Variants in FGF13 observed in about 807,000 individuals in gnomAD.
FGF13 encodes the protein fibroblast growth factor 13, also known as fibroblast growth factor homologous factor 2.
Under a neutral mutation model 19.5 loss-of-function variants are expected in FGF13, and 2 were observed. The ratio of observed to expected loss-of-function variants is 0.10; its 90% CI spans 0.04 to 0.32. FGF13 has a LOEUF of 0.32. Among genes scored for constraint, FGF13 ranks in the 10% least tolerant of loss-of-function variants. The pLI is 1.00. For missense variants in FGF13, 113 were observed against 192.7 expected (o/e 0.59, Z 2.45); for synonymous variants, 72 against 76.9 (o/e 0.94, Z 0.33).
At chrX:138,655,653 C>T (rs1166738687) in intron 3 of FGF13, among the ~76,000 whole-genome samples, 1 of 110,607 alleles carries the variant, frequency 9.0e-6, no homozygotes, top group Non-Finnish European at 1.9e-5. Flanking sequence ...AATGCCTTTT[C>T]GAAGCTGCTA....
intron 3 of FGF13, among the ~76,000 whole-genome samples, chrX:138,782,076 G>A (rs1391437809): frequency 8.9e-6 from 1 of 111,835 alleles, no homozygotes; most frequent in Non-Finnish European, 1.9e-5. Context: ...TATCTCAATA[G>A]ATGCAGAAAA....
intron 3 of FGF13, among the ~76,000 whole-genome samples, chrX:138,824,265 C>T (rs2091019407): frequency 8.9e-6 from 1 of 112,174 alleles, no homozygotes; most frequent in African/African-American, 3.2e-5. Context: ...GGACTTTCAT[C>T]TGCAAAGTCA....
Position 138,984,343 on chromosome X carries a change from G to A in FGF13, c.-112-119693C>T, listed in dbSNP as rs993416109. On this transcript the variant is annotated intron_variant, in intron 1 of 2. Coordinates refer to the FGF13 transcript ENST00000421460. ...GAATCGCTTGAACCCGGGAGGCGGAGGTTGTAGTGAACCGAGATTGCACCA... is the reference window on the plus strand; with the variant it reads ...GAATCGCTTGAACCCGGGAGGCGGAAGTTGTAGTGAACCGAGATTGCACCA... Among the ~76,000 whole-genome samples the A allele has an allele frequency of 6.6e-5, 7 of 106,733 alleles. No homozygotes were observed. The Admixed American group carries it at 7.4e-4, about 11-fold the overall frequency. The allele number at this position is 106,733 out of a possible 115,157, so 92.7% of individuals were successfully genotyped here.
intron 1 of FGF13, among the ~76,000 whole-genome samples, chrX:139,103,649 T>A (rs1333676803): frequency 8.9e-6 from 1 of 111,997 alleles, no homozygotes; most frequent in Non-Finnish European, 1.9e-5. Flanking sequence ...CTAAAACCAT[T>A]GAATTGTATG....
At chrX:139,110,215 T>A (rs1382564578) in intron 1 of FGF13, among the ~76,000 whole-genome samples, 2 of 110,429 alleles carry the variant, frequency 1.8e-5, no homozygotes, top group Non-Finnish European at 3.8e-5. Flanking sequence ...TATGTACATA[T>A]AATGTATATA....
intron 3 of FGF13, among the ~76,000 whole-genome samples, chrX:138,635,949 C>A (rs779658382): frequency 8.9e-6 from 1 of 112,195 alleles, no homozygotes; most frequent in East Asian, 2.8e-4. Flanking sequence ...ATATATTGGA[C>A]AACTACAAGA....
At chrX:139,196,825 T>C (rs2084376181) in intron 1 of FGF13, among the ~76,000 whole-genome samples, 1 of 112,211 alleles carries the variant, frequency 8.9e-6, no homozygotes, top group African/African-American at 3.2e-5. Context: ...TGAATGTCCA[T>C]ACATTGTTAT....
At chrX:138,903,488 G>A (rs772981041) in intron 1 of FGF13, among the ~76,000 whole-genome samples, 8 of 111,568 alleles carry the variant, frequency 7.2e-5, no homozygotes, top group Non-Finnish European at 1.3e-4. Context: ...GTGGACCTTA[G>A]GCTGCATCAT....
chrX:138,685,426 A>G (rs1243888630), intron 3 of FGF13, among the ~76,000 whole-genome samples: 1 of 111,520 alleles, frequency 9.0e-6, no homozygotes, highest in African/African-American at 3.3e-5. Context: ...TAACCCTTTC[A>G]GTGTGACCCT....
At position 138,757,162 on chromosome X, in the gene FGF13, C is replaced by T. The variant is rs73565534; in HGVS notation, c.218-48234G>A. ...ACCTAATCCCATGCTGCCTGAGGAACATACCTAGCATCCTGGTTTGACTCT... is the reference window on the plus strand; with the variant it reads ...ACCTAATCCCATGCTGCCTGAGGAATATACCTAGCATCCTGGTTTGACTCT... On this transcript the variant is annotated intron_variant, in intron 3 of 6. Transcript: ENST00000436198. 2.3e-3 allele frequency among the ~76,000 whole-genome samples: 250 copies of T among 110,701 alleles called. 1 individual carries two copies. Among genetic ancestry groups the T allele is most frequent in the African/African-American group, 7.8e-3 (238 of 30,426 alleles).
At chrX:139,187,479 G>A (rs1490478530) in intron 1 of FGF13, among the ~76,000 whole-genome samples, 1 of 112,141 alleles carries the variant, frequency 8.9e-6, no homozygotes, top group African/African-American at 3.2e-5. Context: ...GAATAGTTAA[G>A]AAGTTATCCC....
rs181149308 is a variant in FGF13, at chrX:139,077,487, T to C, written c.-113+125929A>G. On this transcript the variant is annotated intron_variant, in intron 1 of 2. Coordinates refer to the FGF13 transcript ENST00000421460. ...ATTTCATTCTTAGGGTTAGGGACAA[T>C]GATTCATGATCTCTGGGTCCTCAGC... 2.0e-4 allele frequency among the ~76,000 whole-genome samples: 22 copies of C among 111,526 alleles called. No individual in the cohort carries two copies. The East Asian group carries it at 5.4e-3, about 27-fold the overall frequency.
At chrX:138,989,433 G>C (rs778611662) in intron 1 of FGF13, among the ~76,000 whole-genome samples, 1 of 111,761 alleles carries the variant, frequency 8.9e-6, no homozygotes, top group East Asian at 2.8e-4. Context: ...GCGCCTGGTA[G>C]ATACTCAATA....
chrX:139,053,246 A>T (rs2092308521), intron 1 of FGF13, among the ~76,000 whole-genome samples: 1 of 111,093 alleles, frequency 9.0e-6, no homozygotes. Context: ...ATCATATATC[A>T]TTCCTCTGAG....
intron 1 of FGF13, among the ~76,000 whole-genome samples, chrX:139,143,091 T>C (rs2083859601): frequency 8.9e-6 from 1 of 112,459 alleles, no homozygotes; most frequent in Admixed American, 9.4e-5. Flanking sequence ...GAACACTATA[T>C]ATGCCCTAAG....
At chrX:138,810,575 A>G (rs1191208856) in intron 3 of FGF13, among the ~76,000 whole-genome samples, 1 of 112,218 alleles carries the variant, frequency 8.9e-6, no homozygotes, top group Non-Finnish European at 1.9e-5. Flanking sequence ...AATGGCAACA[A>G]AAGACAAAAT....
chrX:139,076,053 C>T, intron 1 of FGF13, among the ~76,000 whole-genome samples: 1 of 111,366 alleles, frequency 9.0e-6, no homozygotes, highest in East Asian at 2.8e-4. Flanking sequence ...TAGCTTGAAT[C>T]TATAACAATC....
intron 3 of FGF13, among the ~76,000 whole-genome samples, chrX:138,764,199 AACCTGGGCC>A (rs1367060492): frequency 8.9e-6 from 1 of 111,918 alleles, no homozygotes; most frequent in African/African-American, 3.2e-5. Flanking sequence ...GCCATCTCTG[AACCTGGGCC>A]ATAGACTCTT....
In FGF13 at chrX:138,732,127, A is replaced by C. The variant is rs1399165834; in HGVS notation, c.28+7115T>G. The stretch of plus-strand genomic sequence containing the variant: ...TATGTAGAACAACCAGAACTCTCAT[A>C]CATCACTTGTGGGGATATAAAATGG... On this transcript the variant is annotated intron_variant, in intron 1 of 4. Transcript: ENST00000305414. Among the ~76,000 whole-genome samples, 39 of 111,704 alleles carry C rather than the reference A, an allele frequency of 3.5e-4. 1 individual carries two copies. The Admixed American group carries it at 3.7e-3, about 11-fold the overall frequency.
Sources: gnomAD v4.1 joint callset for allele counts (sites outside exome capture counted in the v4.1 genomes callset) on GRCh38, gnomAD v4.1.1 for gene constraint, MANE v1.5 for transcripts, NCBI Gene and HGNC (gene_info 2026-07-23, HGNC 2026-07-21) for gene names.